The following CAP2 variants were observed in gnomAD, a reference collection of about 807,000 sequenced individuals.
CAP2 encodes the protein cyclase associated actin cytoskeleton regulatory protein 2.
Under a neutral mutation model 57.7 loss-of-function variants are expected in CAP2, and 24 were observed. The observed-to-expected ratio is 0.42, with a 90% CI of 0.30 to 0.58. The LOEUF (loss-of-function observed/expected upper bound fraction) is 0.58, where lower values mean the gene tolerates loss of function less well. CAP2 is among the 20% of genes least tolerant of loss of function. The probability of loss-of-function intolerance (pLI) is 0.22; values close to 1 mark genes in which losing one functional copy is unlikely to be tolerated. For synonymous variants in CAP2, 194 were observed against 207.2 expected (o/e 0.94, Z 0.55); for missense variants, 501 against 590.3 (o/e 0.85, Z 1.57).
intron 1 of CAP2, among the ~76,000 whole-genome samples, chr6:17,403,127 A>G (rs1758858904): frequency 1.3e-5 from 2 of 152,052 alleles, no homozygotes; most frequent in Non-Finnish European, 2.9e-5. Flanking sequence ...ATTGAGATGG[A>G]GTCTTGCTCT....
chr6:17,401,751 A>G (rs770672077), intron 1 of CAP2, among the ~76,000 whole-genome samples: 2 of 152,048 alleles, frequency 1.3e-5, no homozygotes, highest in Non-Finnish European at 2.9e-5. Flanking sequence ...TTTCTCCTCC[A>G]TTTGAATTTC....
chr6:17,501,956 GGGAGCA>G (rs747161552), intron 4 of CAP2, among the ~76,000 whole-genome samples: 25 of 152,338 alleles, frequency 1.6e-4, no homozygotes, highest in Admixed American at 1.1e-3. Context: ...GGGAAGGCCA[GGGAGCA>G]GGTTCAGCTC....
chr6:17,543,624 CAAAAAAAAA>C (rs66747239), intron 11 of CAP2, among the ~76,000 whole-genome samples: 2 of 83,918 alleles, frequency 2.4e-5, no homozygotes, highest in Admixed American at 2.8e-4. Context: ...GACTCCATCT[CAAAAAAAAA>C]AAAAAAAAAA....
intron 4 of CAP2, among the ~76,000 whole-genome samples, chr6:17,491,775 A>C (rs1761547253): frequency 6.6e-6 from 1 of 152,262 alleles, no homozygotes. Context: ...AAACAGGGAT[A>C]ATAATGCTAA....
At chr6:17,481,607 T>C (rs887770099) in intron 4 of CAP2, among the ~76,000 whole-genome samples, 1 of 152,210 alleles carries the variant, frequency 6.6e-6, no homozygotes, top group African/African-American at 2.4e-5. Flanking sequence ...TCTGATTCAT[T>C]TGTTTCTCAA....
intron 3 of CAP2, among the ~76,000 whole-genome samples, chr6:17,449,392 T>C (rs1280766421): frequency 4.6e-5 from 7 of 152,168 alleles, no homozygotes; most frequent in Admixed American, 1.3e-4. Context: ...AAAAGCCTTG[T>C]GCAATTATTT....
At chr6:17,451,073 T>C (rs894108813) in intron 3 of CAP2, among the ~76,000 whole-genome samples, 4 of 152,140 alleles carry the variant, frequency 2.6e-5, no homozygotes, top group African/African-American at 4.8e-5. Context: ...TGTGCACACA[T>C]GGACACTTCA....
At chr6:17,413,109 A>C (rs1345176516) in intron 1 of CAP2, among the ~76,000 whole-genome samples, 1 of 152,068 alleles carries the variant, frequency 6.6e-6, no homozygotes, top group African/African-American at 2.4e-5. Context: ...GATCTTTCTG[A>C]AGGTCAAGCT....
intron 3 of CAP2, among the ~76,000 whole-genome samples, chr6:17,427,626 G>A (rs1759627281): frequency 7.3e-6 from 1 of 137,292 alleles, no homozygotes; most frequent in Non-Finnish European, 1.5e-5. Flanking sequence ...AAAAAAAATG[G>A]AACTACTGTA....
At chr6:17,487,114 A>G (rs1183028717) in intron 4 of CAP2, among the ~76,000 whole-genome samples, 5 of 152,074 alleles carry the variant, frequency 3.3e-5, no homozygotes, top group Admixed American at 3.3e-4. Context: ...AGCACGTACT[A>G]TGTGCCAGGT....
chr6:17,432,578 C>G (rs567279186), intron 3 of CAP2, among the ~76,000 whole-genome samples: 4 of 152,308 alleles, frequency 2.6e-5, no homozygotes, highest in Admixed American at 2.0e-4. Flanking sequence ...TGACTTGCAT[C>G]AAGAATTCTG....
At chr6:17,421,240 A>C (rs931210485) in intron 1 of CAP2, among the ~76,000 whole-genome samples, 7 of 152,068 alleles carry the variant, frequency 4.6e-5, no homozygotes, top group African/African-American at 1.4e-4. Flanking sequence ...ACTTGGGGAA[A>C]GGTGGGAGGG....
chr6:17,394,131 G>A (rs1481306870), intron 1 of CAP2, among the ~76,000 whole-genome samples: 1 of 149,902 alleles, frequency 6.7e-6, no homozygotes, highest in Non-Finnish European at 1.5e-5. Context: ...TAACTTTGGG[G>A]GGTCTCGTCC....
intron 3 of CAP2, among the ~76,000 whole-genome samples, chr6:17,430,904 A>T (rs913212836): frequency 6.6e-6 from 1 of 152,176 alleles, no homozygotes; most frequent in African/African-American, 2.4e-5. Flanking sequence ...TCTCAGGTCT[A>T]TTTCTAATTG....
At chr6:17,408,393 G>A (rs750611196) in intron 1 of CAP2, among the ~76,000 whole-genome samples, 5 of 152,116 alleles carry the variant, frequency 3.3e-5, no homozygotes, top group Admixed American at 6.5e-5. Flanking sequence ...AACGAATAGA[G>A]CAAGAATTCA....
chr6:17,488,045 C>T (rs1761460399), intron 4 of CAP2, among the ~76,000 whole-genome samples: 1 of 152,120 alleles, frequency 6.6e-6, no homozygotes, highest in South Asian at 2.1e-4. Context: ...CCGCCTCAGC[C>T]TCTCAAGTAG....
At chr6:17,516,949 T>C (rs939994470) in intron 7 of CAP2, among the ~76,000 whole-genome samples, 3 of 152,232 alleles carry the variant, frequency 2.0e-5, no homozygotes, top group South Asian at 2.1e-4. Context: ...GTTTTTTTTT[T>C]CCTAACCACA....
intron 7 of CAP2, among the ~76,000 whole-genome samples, chr6:17,533,191 A>G (rs994602277): frequency 2.6e-5 from 4 of 151,636 alleles, no homozygotes; most frequent in Admixed American, 2.0e-4. Flanking sequence ...ACAAATTTTG[A>G]TGTACATTAG....
intron 4 of CAP2, among the ~76,000 whole-genome samples, chr6:17,481,511 A>C (rs1414020627): frequency 6.6e-6 from 1 of 152,114 alleles, no homozygotes; most frequent in Non-Finnish European, 1.5e-5. Flanking sequence ...CCTTTTTGAG[A>C]TTCTGCTAAT....
Sources: allele counts gnomAD v4.1 joint callset (sites outside exome capture counted in the v4.1 genomes callset), GRCh38; gene constraint gnomAD v4.1.1; transcripts MANE v1.5; gene names NCBI Gene and HGNC (gene_info 2026-07-23, HGNC 2026-07-21).